Variants in DGKH observed in about 807,000 individuals in gnomAD.
DGKH encodes the protein diacylglycerol kinase eta, also known as DAG kinase eta.
In DGKH, 90 loss-of-function variants were observed where a neutral mutation model predicts 159.3. The ratio of observed to expected loss-of-function variants is 0.57; its 90% CI spans 0.48 to 0.67. The LOEUF (loss-of-function observed/expected upper bound fraction) is 0.67. Ranked by LOEUF, DGKH falls within the 30% of genes least tolerant of loss-of-function variation. The pLI is 0.00. For missense variants in DGKH, 1,181 were observed against 1,506.1 expected (o/e 0.78, Z 3.57); for synonymous variants, 536 against 553.8 (o/e 0.97, Z 0.45).
At chr13:42,096,907 T>C (rs1215833512) in intron 1 of DGKH, among the ~76,000 whole-genome samples, 1 of 152,186 alleles carries the variant, frequency 6.6e-6, no homozygotes, top group Non-Finnish European at 1.5e-5. Flanking sequence ...GATGGTTCCA[T>C]TTTTCTTTAA....
chr13:42,080,212 A>T (rs1426001922), intron 1 of DGKH, among the ~76,000 whole-genome samples: 1 of 152,040 alleles, frequency 6.6e-6, no homozygotes, highest in Non-Finnish European at 1.5e-5. Context: ...ATGCTTTTTG[A>T]TGTGGTGCAT....
Position 42,127,466 on chromosome 13 carries a change from A to C in DGKH, c.196A>C (p.Ser66Arg). ...TTGTGCTTCTGCTTCTCTCTAGACC[A>C]GTATTAAAGAGGGACAGCTATTGAA... Reference protein sequence around the residue: ...STSGQIRTKTSIKEGQLLKQT... With the variant: ...STSGQIRTKTRIKEGQLLKQT... The change falls in exon 2 of 30, where the codon AGT becomes CGT. Residue 66 changes from serine (S) to arginine (R), a missense_variant. Ser to Arg is a moderately radical substitution (Grantham distance 110, BLOSUM62 -1). Transcript: ENST00000337343. 1.2e-6 allele frequency: 2 copies of C among 1,611,222 alleles called. No individual in the cohort carries two copies. Among genetic ancestry groups the C allele is most frequent in the Non-Finnish European group, 1.7e-6 (2 of 1,177,484 alleles).
intron 11 of DGKH, 24 bp downstream of exon 11, chr13:42,168,842 A>G (rs1450582028): frequency 1.3e-6 from 2 of 1,597,688 alleles, no homozygotes; most frequent in Non-Finnish European, 8.5e-7. Flanking sequence ...CTTTTCTACA[A>G]CTAGATGGAA....
intron 29 of DGKH, among the ~76,000 whole-genome samples, chr13:42,224,438 A>G (rs1323242013): frequency 2.6e-5 from 4 of 152,130 alleles, no homozygotes; most frequent in Non-Finnish European, 4.4e-5. Flanking sequence ...GCTCCATGCT[A>G]CTGTCCAGTT....
intron 1 of DGKH, among the ~76,000 whole-genome samples, chr13:42,100,770 C>T (rs1859203915): frequency 6.6e-6 from 1 of 152,218 alleles, no homozygotes; most frequent in South Asian, 2.1e-4. Flanking sequence ...CTTGGATTAT[C>T]ATAGTTGCCC....
At chr13:42,212,152 C>T (rs760054816) in intron 24 of DGKH, among the ~76,000 whole-genome samples, 2 of 152,184 alleles carry the variant, frequency 1.3e-5, no homozygotes, top group East Asian at 3.9e-4. Context: ...GGCTAACTCA[C>T]ATCTTTCCTC....
At chr13:42,183,100 G>A (rs961639649) in intron 13 of DGKH, among the ~76,000 whole-genome samples, 2 of 152,058 alleles carry the variant, frequency 1.3e-5, no homozygotes, top group African/African-American at 2.4e-5. Flanking sequence ...ACCAGCCTGG[G>A]CAACATAGTG....
At chr13:42,046,309 C>A (rs902158326), upstream of DGKH, among the ~76,000 whole-genome samples, 1 of 152,166 alleles carries the variant, frequency 6.6e-6, no homozygotes, top group Non-Finnish European at 1.5e-5. Context: ...AAGATTGAGA[C>A]CTTGACCTTG....
downstream of DGKH, among the ~76,000 whole-genome samples, chr13:42,246,585 A>G (rs1321610647): frequency 6.6e-6 from 1 of 152,158 alleles, no homozygotes; most frequent in African/African-American, 2.4e-5. Context: ...AGTTGGGTCT[A>G]CTTCTGGCAA....
rs9594715 is a variant in DGKH at position 42,231,258 on chromosome 13, G to A, written c.*2070G>A. On this transcript the variant is annotated 3_prime_UTR_variant, in exon 30 of 30. Coordinates refer to ENST00000337343, the MANE Select transcript of DGKH (RefSeq NM_178009.5). The stretch of plus-strand genomic sequence containing the variant: ...AATCCCAGCTACTCGGGAGGCTGAG[G>A]CAGGAGAATTGCTTGAACCCAGGAG... 20,124 of 144,448 alleles carry A rather than the reference G, an allele frequency of 0.14. 1,704 individuals carry two copies. Among genetic ancestry groups the A allele is most frequent in the Admixed American group, 0.25 (3,537 of 14,332 alleles). The allele number at this position is 144,448 out of a possible 1,614,324, so 8.9% of individuals were successfully genotyped here.
At chr13:42,207,291 G>A (rs1167825026) in intron 21 of DGKH, among the ~76,000 whole-genome samples, 1 of 150,704 alleles carries the variant, frequency 6.6e-6, no homozygotes, top group Non-Finnish European at 1.5e-5. Flanking sequence ...TCAGGTTCAA[G>A]CAGTTCCCCT....
intron 1 of DGKH, among the ~76,000 whole-genome samples, chr13:42,077,945 AAG>A (rs946313335): frequency 6.6e-6 from 1 of 152,240 alleles, no homozygotes; most frequent in Admixed American, 6.5e-5. Context: ...ATTTCTTTAA[AAG>A]AGAAATATTT....
At chr13:42,086,280 T>G (rs568009461) in intron 1 of DGKH, among the ~76,000 whole-genome samples, 5 of 152,314 alleles carry the variant, frequency 3.3e-5, no homozygotes, top group African/African-American at 9.6e-5. Context: ...TGTGTCAACC[T>G]TGTTGCCTAA....
intron 26 of DGKH, among the ~76,000 whole-genome samples, chr13:42,216,274 C>A (rs1364153419): frequency 6.6e-6 from 1 of 152,226 alleles, no homozygotes; most frequent in Non-Finnish European, 1.5e-5. Flanking sequence ...AATACCTCAC[C>A]ATTTTCAAGT....
intron 13 of DGKH, among the ~76,000 whole-genome samples, chr13:42,186,447 A>G (rs1030094758): frequency 6.6e-6 from 1 of 152,240 alleles, no homozygotes; most frequent in Admixed American, 6.5e-5. Context: ...CAAGTAAACC[A>G]TATACTGCTG....
chr13:42,213,107 G>A (rs1957699456), intron 24 of DGKH, among the ~76,000 whole-genome samples: 1 of 152,190 alleles, frequency 6.6e-6, no homozygotes, highest in African/African-American at 2.4e-5. Flanking sequence ...TAGAAGTAGT[G>A]TGGAGGGGTT....
At chr13:42,053,308 G>T (rs2137646339) in intron 1 of DGKH, among the ~76,000 whole-genome samples, 1 of 149,208 alleles carries the variant, frequency 6.7e-6, no homozygotes, top group East Asian at 2.0e-4. Context: ...ATGTAACCCA[G>T]AATTTAAAGT....
At chr13:42,255,531 G>A (rs535218214) in intron 30 of DGKH, among the ~76,000 whole-genome samples, 10 of 152,170 alleles carry the variant, frequency 6.6e-5, no homozygotes, top group Admixed American at 5.9e-4. Context: ...TTATTGTAGA[G>A]GACAAAATGT....
At chr13:42,186,012 T>TGGTG (rs752112102) in intron 13 of DGKH, among the ~76,000 whole-genome samples, 171 of 45,048 alleles carry the variant, frequency 3.8e-3, no homozygotes, top group East Asian at 0.017. Context: ...GTGGTGGTGG[T>TGGTG]GTGTGTGTGT....
Sources: gnomAD v4.1 joint callset for allele counts (sites outside exome capture counted in the v4.1 genomes callset) on GRCh38, gnomAD v4.1.1 for gene constraint, MANE v1.5 for transcripts, NCBI Gene and HGNC (gene_info 2026-07-23, HGNC 2026-07-21) for gene names.